ARL13B: variants seen among roughly 807,000 people sequenced by gnomAD.
ARL13B encodes the protein ADP-ribosylation factor-like protein 13B.
In ARL13B, 36 loss-of-function variants were observed where a neutral mutation model predicts 56.1. The observed-to-expected ratio is 0.64, with a 90% CI of 0.49 to 0.85. The LOEUF (loss-of-function observed/expected upper bound fraction) is 0.85, where lower values mean the gene tolerates loss of function less well. Ranked by LOEUF, ARL13B falls within the 40% of genes least tolerant of loss-of-function variation. The pLI is 0.00. For synonymous variants in ARL13B, 178 were observed against 171.1 expected (o/e 1.04, Z -0.32); for missense variants, 519 against 507.1 (o/e 1.02, Z -0.23).
At chr3:94,014,403 T>G in intron 3 of ARL13B, 1 of 1,544,446 alleles carries the variant, frequency 6.5e-7, no homozygotes, top group South Asian at 1.3e-5. Context: ...AGCTACAGCA[T>G]GGACAGCACC....
chr3:93,980,589 G>T (rs1162368916), intron 1 of ARL13B, 107 bp downstream of exon 1: 6 of 1,358,950 alleles, frequency 4.4e-6, no homozygotes, highest in Non-Finnish European at 6.1e-6. Context: ...ATCCCAGGCC[G>T]CAAGGGATGC....
intron 1 of ARL13B, among the ~76,000 whole-genome samples, chr3:93,986,408 T>C (rs926808221): frequency 6.6e-6 from 1 of 152,058 alleles, no homozygotes; most frequent in African/African-American, 2.4e-5. Context: ...AATCACACTG[T>C]TTTTTCGATA....
chr3:93,988,200 A>G (rs1710559522), intron 1 of ARL13B, among the ~76,000 whole-genome samples: 1 of 151,972 alleles, frequency 6.6e-6, no homozygotes, highest in South Asian at 2.1e-4. Flanking sequence ...AGGGAGAGCC[A>G]TGATCAAGGA....
Position 94,054,784 on chromosome 3 carries a change from T to C in ARL13B, c.*1521T>C, listed in dbSNP as rs1249475593. ...GACTTAGCAACCACACTGAGTGAGG[T>C]AAAAGCATTTGATTTCAGATCTAAA... On this transcript the variant is annotated 3_prime_UTR_variant, in exon 10 of 10. Transcript: ENST00000394222. 1 of 403,490 alleles carries C rather than the reference T, an allele frequency of 2.5e-6. No homozygotes were observed. Among genetic ancestry groups the C allele is most frequent in the African/African-American group, 2.1e-5 (1 of 47,992 alleles). The allele number at this position is 403,490 out of a possible 1,614,324, so 25.0% of individuals were successfully genotyped here.
intron 3 of ARL13B, among the ~76,000 whole-genome samples, chr3:94,006,502 C>T (rs539596185): frequency 8.6e-5 from 13 of 152,030 alleles, no homozygotes; most frequent in Admixed American, 2.0e-4. Flanking sequence ...TGTTACCTCC[C>T]TTCAATTCCT....
At chr3:94,003,517 C>T (rs2076086181) in intron 2 of ARL13B, 142 bp from the exon 3 acceptor site, 5 of 944,426 alleles carry the variant, frequency 5.3e-6, no homozygotes, top group Non-Finnish European at 7.7e-6. Context: ...TGGCCTGTCC[C>T]CAAACCAGTA....
chr3:93,995,560 A>G (rs1232295912), intron 1 of ARL13B, among the ~76,000 whole-genome samples: 2 of 152,080 alleles, frequency 1.3e-5, no homozygotes, highest in Non-Finnish European at 1.5e-5. Context: ...ATGATAGAGA[A>G]CTCAGAGTTA....
chr3:93,981,899 C>G lies in ARL13B; in HGVS notation c.59+1417C>G, dbSNP rs189903064. On this transcript the variant is annotated intron_variant, in intron 1 of 9. Transcript: ENST00000394222. ...AAAAAAAAAAAAAAAAGAAAAAAGT[C>G]AAAGAGTTGTTTTAGGTGCATAGAT... Among the ~76,000 whole-genome samples the G allele has an allele frequency of 4.4e-3, 625 of 142,676 alleles. 8 individuals carry two copies. The highest frequency in any genetic ancestry group is 0.015 in the African/African-American group (605 of 39,246). 93.6% of individuals were successfully genotyped at this position (142,676 alleles called of 152,430 possible).
In ARL13B at chr3:94,036,761, A is replaced by C. The variant is rs1270173212; in HGVS notation, c.689+7A>C. On this transcript the variant is annotated splice_region_variant and intron_variant, in intron 5 of 9. Transcript: ENST00000394222. ...GAAAATTACGAGAAGAAAGGTAAGT[A>C]GATTAATTTTGTACCACAGTGCATT... The C allele has an allele frequency of 1.2e-6, 2 of 1,604,600 alleles. No individual in the cohort carries two copies. Among genetic ancestry groups the C allele is most frequent in the Non-Finnish European group, 1.7e-6 (2 of 1,175,248 alleles).
chr3:93,986,506 T>C (rs1455231693), intron 1 of ARL13B, among the ~76,000 whole-genome samples: 1 of 152,232 alleles, frequency 6.6e-6, no homozygotes, highest in East Asian at 1.9e-4. Flanking sequence ...AAGTCTTTTT[T>C]TGTATATGTA....
chr3:94,022,588 A>T (rs1381499327), intron 3 of ARL13B, among the ~76,000 whole-genome samples: 1 of 151,998 alleles, frequency 6.6e-6, no homozygotes, highest in Non-Finnish European at 1.5e-5. Context: ...TGACTACCCA[A>T]ATATTATTTA....
At chr3:94,018,468 C>T (rs2076379702) in intron 3 of ARL13B, among the ~76,000 whole-genome samples, 1 of 151,974 alleles carries the variant, frequency 6.6e-6, no homozygotes, top group South Asian at 2.1e-4. Context: ...TCACTATTTT[C>T]TTTTTCCTGG....
At chr3:93,998,714 T>A (rs1351461473) in intron 2 of ARL13B, among the ~76,000 whole-genome samples, 3 of 152,222 alleles carry the variant, frequency 2.0e-5, no homozygotes, top group African/African-American at 7.2e-5. Flanking sequence ...GTCCACTTTT[T>A]TGGCCTGCTC....
At chr3:94,045,101 AG>A (rs2076957988) in intron 7 of ARL13B, among the ~76,000 whole-genome samples, 1 of 152,344 alleles carries the variant, frequency 6.6e-6, no homozygotes, top group African/African-American at 2.4e-5. Flanking sequence ...TTCTGTACTA[AG>A]AAAAATTCTT....
intron 3 of ARL13B, among the ~76,000 whole-genome samples, chr3:94,022,056 A>T (rs2076460702): frequency 6.6e-6 from 1 of 152,076 alleles, no homozygotes; most frequent in Non-Finnish European, 1.5e-5. Flanking sequence ...CCTTAGCTAT[A>T]TGTTGCATCT....
intron 3 of ARL13B, among the ~76,000 whole-genome samples, chr3:94,010,327 A>G (rs1286785329): frequency 6.6e-6 from 1 of 152,096 alleles, no homozygotes; most frequent in African/African-American, 2.4e-5. Context: ...GAATATCATT[A>G]TTATTGATAA....
intron 2 of ARL13B, among the ~76,000 whole-genome samples, chr3:94,000,729 CATA>C (rs1395428958): frequency 1.3e-5 from 2 of 151,938 alleles, no homozygotes; most frequent in Non-Finnish European, 1.5e-5. Context: ...TAGAACCATG[CATA>C]GTACTTAGCT....
chr3:94,017,960 A>G (rs2076365771), intron 3 of ARL13B, among the ~76,000 whole-genome samples: 1 of 152,234 alleles, frequency 6.6e-6, no homozygotes, highest in South Asian at 2.1e-4. Flanking sequence ...TTGTGGGCCA[A>G]AGGAAGGAGT....
At chr3:94,021,254 C>T (rs1223972825) in intron 3 of ARL13B, among the ~76,000 whole-genome samples, 1 of 150,728 alleles carries the variant, frequency 6.6e-6, no homozygotes, top group Admixed American at 6.6e-5. Context: ...AGTGCAGTGT[C>T]ATGATCTCAG....
Sources: allele counts gnomAD v4.1 joint callset (sites outside exome capture counted in the v4.1 genomes callset), GRCh38; gene constraint gnomAD v4.1.1; transcripts MANE v1.5; gene names NCBI Gene and HGNC (gene_info 2026-07-23, HGNC 2026-07-21).